Variants in NOL7 observed in about 807,000 individuals in gnomAD.
The protein encoded by NOL7 is U3 small nucleolar RNA-associated protein NOL7.
A neutral mutation model predicts 38.4 loss-of-function variants in NOL7; 36 were observed. The ratio of observed to expected loss-of-function variants is 0.94; its 90% CI spans 0.72 to 1.24. The LOEUF (loss-of-function observed/expected upper bound fraction) is 1.24, where lower values mean the gene tolerates loss of function less well. NOL7 is among the 50% of genes most tolerant of loss of function. The pLI, the probability that NOL7 is intolerant of heterozygous loss-of-function variation, is 0.00. For synonymous variants in NOL7, 142 were observed against 126.5 expected, an observed-to-expected ratio of 1.12 and a Z score of -0.82; for missense variants, 350 against 315.1, an observed-to-expected ratio of 1.11 and a Z score of -0.84.
chr6:13,631,769 C>A (rs1021794734), intron 8 of NOL7, among the ~76,000 whole-genome samples: 3 of 152,194 alleles, frequency 2.0e-5, no homozygotes, highest in African/African-American at 7.2e-5. Flanking sequence ...CCTCCACCTT[C>A]AACTGGTACA....
At chr6:13,623,844 C>T (rs765397362), downstream of NOL7, among the ~76,000 whole-genome samples, 3 of 152,030 alleles carry the variant, frequency 2.0e-5, no homozygotes, top group African/African-American at 7.3e-5. Flanking sequence ...CATAATATAG[C>T]ACAATATGTA....
rs1371609043 is a variant in NOL7 at position 13,616,457 on chromosome 6, C to T, written c.328-6C>T. On this transcript the variant is annotated splice_polypyrimidine_tract_variant and splice_region_variant and intron_variant, in intron 2 of 7. Transcript: ENST00000451315. ...CTATTAATTTTAAACGTTTTCATTC[C>T]AAAAGAAAAGAAAACTCCTTCCAGA... The T allele has an allele frequency of 6.2e-7, 1 of 1,601,398 alleles. No individual in the cohort carries two copies. The highest frequency in any genetic ancestry group is 8.5e-7 in the Non-Finnish European group (1 of 1,172,778).
chr6:13,628,670 C>T (rs1234751902), intron 8 of NOL7, among the ~76,000 whole-genome samples: 2 of 152,206 alleles, frequency 1.3e-5, no homozygotes, highest in Non-Finnish European at 2.9e-5. Flanking sequence ...TCGTAAACAT[C>T]TAGGACTTGA....
At chr6:13,622,290 A>C (rs901792801), downstream of NOL7, 4 of 1,349,706 alleles carry the variant, frequency 3.0e-6, no homozygotes, top group African/African-American at 3.0e-5. Flanking sequence ...CTAAATTTCA[A>C]ATCAGCAGAG....
Position 13,615,397 on chromosome 6 carries a change from G to C in NOL7, c.39G>C (p.Ala13=). The change falls in exon 1 of 8, where the codon GCG becomes GCC. Residue 13 remains alanine, a synonymous_variant. Transcript: ENST00000451315. ...QLRPRASRAP[A]SAEAMVDEGQ... Reference sequence around the variant, plus strand: ...GACCGCGAGCGTCTCGCGCCCCGGCGTCGGCGGAGGCGATGGTGGACGAGG... The same window carrying C: ...GACCGCGAGCGTCTCGCGCCCCGGCCTCGGCGGAGGCGATGGTGGACGAGG... 1 of 1,533,038 alleles carries C rather than the reference G, an allele frequency of 6.5e-7. No homozygotes were observed. Among genetic ancestry groups the C allele is most frequent in the African/African-American group, 1.4e-5 (1 of 72,606 alleles). 95.0% of individuals were successfully genotyped at this position (1,533,038 alleles called of 1,614,324 possible). A position where few individuals can be genotyped will look rare whatever the true frequency, so the allele number is the denominator to read the frequency against.
Position 13,620,196 on chromosome 6 carries a change from A to G in NOL7, c.501-12A>G. 7.5e-6 allele frequency: 12 copies of G among 1,599,850 alleles called. No homozygotes were observed. Among genetic ancestry groups the G allele is most frequent in the Non-Finnish European group, 1.0e-5 (12 of 1,176,214 alleles). Reference sequence around the variant, plus strand: ...GTGTAATTCTTATTTAACCTTTTATATTGATCAACAGCCAGAATAAAAGCT... The same window carrying G: ...GTGTAATTCTTATTTAACCTTTTATGTTGATCAACAGCCAGAATAAAAGCT... On this transcript the variant is annotated splice_polypyrimidine_tract_variant and intron_variant, in intron 5 of 7. Coordinates refer to ENST00000451315, the MANE Select transcript of NOL7 (RefSeq NM_016167.5).
chr6:13,629,912 TCTCTCTCTC>T (rs1005924710), intron 8 of NOL7, among the ~76,000 whole-genome samples: 96 of 124,006 alleles, frequency 7.7e-4, no homozygotes, highest in Middle Eastern at 7.5e-3. Context: ...TCTCTCTCTC[TCTCTCTCTC>T]GTGTGTGTGT....
At chr6:13,626,757 A>G (rs1488080835) in intron 8 of NOL7, among the ~76,000 whole-genome samples, 1 of 152,232 alleles carries the variant, frequency 6.6e-6, no homozygotes, top group East Asian at 1.9e-4. Flanking sequence ...TGAAATTCCT[A>G]AAGAGCACCA....
chr6:13,616,721 A>G (rs758651457), intron 3 of NOL7, among the ~76,000 whole-genome samples, 200 bp downstream of exon 3: 7 of 152,232 alleles, frequency 4.6e-5, no homozygotes, highest in African/African-American at 1.7e-4. Flanking sequence ...TCATTCCCAT[A>G]GCTAGCTTTT....
At chr6:13,627,630 C>CAAAAAAAA (rs35401168) in intron 8 of NOL7, among the ~76,000 whole-genome samples, 2 of 66,410 alleles carry the variant, frequency 3.0e-5, no homozygotes, top group Non-Finnish European at 2.9e-5. Context: ...ACTCCATCTC[C>CAAAAAAAA]AAAAAAAAAA....
downstream of NOL7, among the ~76,000 whole-genome samples, chr6:13,622,654 G>C (rs1322264024): frequency 6.6e-6 from 1 of 152,106 alleles, no homozygotes; most frequent in African/African-American, 2.4e-5. Flanking sequence ...ATGCCGCCTT[G>C]GACATACTAT....
Position 13,620,814 on chromosome 6 carries a change from AAACT to A in NOL7, c.764_767del (p.Thr255ArgfsTer24). On this transcript the variant is annotated frameshift_variant, in exon 8 of 8. Transcript: ENST00000451315. LOFTEE classifies it high-confidence loss of function. Reference sequence around the variant, plus strand: ...AGACGGTGGATGGTCAGAAAGATGAAAACTAAGAAGTAAATCAATGCTAAATGAA... The same window carrying A: ...AGACGGTGGATGGTCAGAAAGATGAAAAGAAGTAAATCAATGCTAAATGAA... The A allele has an allele frequency of 4.4e-6, 7 of 1,597,068 alleles. No homozygotes were observed. Among genetic ancestry groups the A allele is most frequent in the Non-Finnish European group, 6.0e-6 (7 of 1,170,934 alleles).
downstream of NOL7, chr6:13,625,772 A>G: frequency 6.4e-7 from 1 of 1,554,010 alleles, no homozygotes; most frequent in South Asian, 1.1e-5. Context: ...ATCCTGTTGA[A>G]AACACATCGA....
downstream of NOL7, among the ~76,000 whole-genome samples, chr6:13,623,809 T>G (rs1584904714): frequency 6.6e-6 from 1 of 152,194 alleles, no homozygotes; most frequent in South Asian, 2.1e-4. Flanking sequence ...TTAATAAGAT[T>G]AAGCACTATT....
chr6:13,615,467 C>T lies in NOL7; in HGVS notation c.109C>T (p.Leu37Phe). Residue 37 changes from leucine to phenylalanine, a missense_variant, in exon 1 of 8, where the codon CTC becomes TTC. Physicochemically the swap from Leu to Phe is conservative, Grantham distance 22 (BLOSUM62 0). Transcript: ENST00000451315. ...GGAGGAGGCGGAGCACGGGCTGTTGCTCGGGCAGCCCAGCAGCGGCGCGGC... is the reference window on the plus strand; with the variant it reads ...GGAGGAGGCGGAGCACGGGCTGTTGTTCGGGCAGCCCAGCAGCGGCGCGGC... ...EEEEAEHGLL[L>F]GQPSSGAAAE... The T allele has an allele frequency of 1.3e-6, 2 of 1,550,844 alleles. No homozygotes were observed. The highest frequency in any genetic ancestry group is 2.4e-5 in the East Asian group (1 of 40,974).
rs74591166 is a variant in NOL7, at chr6:13,619,591, C to T, written c.501-617C>T. Among the ~76,000 whole-genome samples, 999 of 152,318 alleles carry T rather than the reference C, an allele frequency of 6.6e-3. 7 individuals carry two copies. Among genetic ancestry groups the T allele is most frequent in the African/African-American group, 0.022 (935 of 41,564 alleles). On this transcript the variant is annotated intron_variant, in intron 5 of 7. Transcript: ENST00000451315. ...CGATTTGGAAATCATGCTGTCAATTCTCTTTTACTACATGTATCCGAACAA... is the reference window on the plus strand; with the variant it reads ...CGATTTGGAAATCATGCTGTCAATTTTCTTTTACTACATGTATCCGAACAA...
In NOL7 at chr6:13,620,255, G is replaced by C. The variant is rs146992026; in HGVS notation, c.548G>C (p.Arg183Thr). The change falls in exon 6 of 8, where the codon AGA becomes ACA. Residue 183 changes from arginine to threonine, a missense_variant. Transcript: ENST00000451315. ...GTAAGGCTAAAAGACCAAGATCTGA[G>C]AGATTCAAGGCAACAAGCAGCACAA... The part of the protein sequence containing the change: ...LAVRLKDQDL[R>T]DSRQQAAQAF... The C allele has an allele frequency of 6.2e-7, 1 of 1,614,174 alleles. No homozygotes were observed. The highest frequency in any genetic ancestry group is 2.2e-5 in the East Asian group (1 of 44,886).
At chr6:13,628,996 A>G (rs1764700951) in intron 8 of NOL7, among the ~76,000 whole-genome samples, 1 of 152,250 alleles carries the variant, frequency 6.6e-6, no homozygotes, top group African/African-American at 2.4e-5. Flanking sequence ...TAATTTAAGA[A>G]ACAAAGATAC....
chr6:13,618,064 T>A lies in NOL7; in HGVS notation c.425T>A (p.Leu142Ter), dbSNP rs759155299. ...ATGTAACTCTATTTTTTAGTTAATT[T>A]GCAAAAGAAAAATGAAGACTGTGAA... ...KSPGKVKEVN[L>*]QKKNEDCEKG... Residue 142 changes from leucine to a stop codon, truncating the protein, a stop_gained, in exon 5 of 8, where the codon TTG becomes TAG. Transcript: ENST00000451315. LOFTEE classifies it high-confidence loss of function. The A allele has an allele frequency of 3.3e-6, 5 of 1,514,466 alleles. No individual in the cohort carries two copies. Among genetic ancestry groups the A allele is most frequent in the Non-Finnish European group, 4.5e-6 (5 of 1,099,094 alleles). 93.8% of individuals were successfully genotyped at this position (1,514,466 alleles called of 1,614,324 possible).
Sources: allele counts gnomAD v4.1 joint callset (sites outside exome capture counted in the v4.1 genomes callset), GRCh38; gene constraint gnomAD v4.1.1; transcripts MANE v1.5; gene names NCBI Gene and HGNC (gene_info 2026-07-23, HGNC 2026-07-21).